Variants in CD226 observed in about 807,000 individuals in gnomAD.
CD226 encodes the protein CD226 molecule.
Under a neutral mutation model 34.9 loss-of-function variants are expected in CD226, and 24 were observed. That is an observed-to-expected ratio of 0.69 (90% CI 0.50 to 0.97). CD226 has a LOEUF of 0.97. CD226 is among the 50% of genes least tolerant of loss of function. The probability of loss-of-function intolerance (pLI) is 0.00; values close to 1 mark genes in which losing one functional copy is unlikely to be tolerated. For synonymous variants in CD226, 148 were observed against 147.4 expected, an observed-to-expected ratio of 1.00 and a Z score of -0.03; for missense variants, 397 against 412.7, an observed-to-expected ratio of 0.96 and a Z score of 0.33.
At chr18:69,868,718 G>A (rs1171715517) in intron 4 of CD226, among the ~76,000 whole-genome samples, 2 of 152,058 alleles carry the variant, frequency 1.3e-5, no homozygotes, top group African/African-American at 4.8e-5. Flanking sequence ...TGGTTCACAA[G>A]GCTTGCTATC....
chr18:69,892,115 T>A lies in CD226; in HGVS notation c.727+3586A>T, dbSNP rs550455801. ...TTGAACCTTGATGGTCCCGCCTGAG[T>A]GGTCTCACTGGTGGAAGACGATTAT... is the stretch of plus-strand genomic sequence containing the variant. On this transcript the variant is annotated intron_variant, in intron 3 of 5. Coordinates refer to ENST00000582621, the MANE Select transcript of CD226 (RefSeq NM_001303618.2). Among the ~76,000 whole-genome samples the A allele has an allele frequency of 5.3e-5, 8 of 152,270 alleles. No individual in the cohort carries two copies. In the South Asian group the frequency reaches 1.7e-3, roughly 32 times the overall value.
At chr18:69,916,450 T>C (rs148901122) in intron 2 of CD226, among the ~76,000 whole-genome samples, 169 of 152,254 alleles carry the variant, frequency 1.1e-3, no homozygotes, top group African/African-American at 3.9e-3. Flanking sequence ...AGGTAAAATA[T>C]AGGCTGTCAG....
chr18:69,901,210 G>T (rs758380297), intron 2 of CD226, among the ~76,000 whole-genome samples: 10 of 152,178 alleles, frequency 6.6e-5, no homozygotes, highest in African/African-American at 1.9e-4. Context: ...TTAAAGGGAG[G>T]TATTACACAG....
Position 69,865,551 on chromosome 18 carries a change from A to G in CD226, c.886-1112T>C, listed in dbSNP as rs1321894728. 2.0e-5 allele frequency among the ~76,000 whole-genome samples: 3 copies of G among 152,032 alleles called. No homozygotes were observed. The East Asian group carries it at 5.9e-4, about 30-fold the overall frequency. ...TGTGACTAGACTGGCATGAGTAGAC[A>G]AAGGCTAAGGATGAAGAAGGGAATC... On this transcript the variant is annotated intron_variant, in intron 5 of 5. Transcript: ENST00000582621.
chr18:69,900,680 C>T (rs1209003003), intron 2 of CD226, among the ~76,000 whole-genome samples: 9 of 144,148 alleles, frequency 6.2e-5, no homozygotes, highest in East Asian at 6.0e-4. Context: ...TGCAGTGAGC[C>T]GAGATTGCGC....
intron 3 of CD226, among the ~76,000 whole-genome samples, chr18:69,879,002 T>C (rs894846520): frequency 1.3e-5 from 2 of 152,124 alleles, no homozygotes; most frequent in African/African-American, 2.4e-5. Flanking sequence ...GCAGGTTCCG[T>C]GATGCCTCCT....
intron 2 of CD226, among the ~76,000 whole-genome samples, chr18:69,913,291 G>A (rs1246006262): frequency 6.6e-6 from 1 of 152,096 alleles, no homozygotes; most frequent in Non-Finnish European, 1.5e-5. Context: ...AAAATAGATC[G>A]CCAGAGCTCT....
At chr18:69,880,930 CG>C (rs1984220900) in intron 3 of CD226, among the ~76,000 whole-genome samples, 1 of 152,100 alleles carries the variant, frequency 6.6e-6, no homozygotes, top group Non-Finnish European at 1.5e-5. Flanking sequence ...GAATTACAGG[CG>C]TGAGCCACAG....
At chr18:69,923,397 C>A (rs2055478494) in intron 2 of CD226, among the ~76,000 whole-genome samples, 1 of 152,096 alleles carries the variant, frequency 6.6e-6, no homozygotes, top group Non-Finnish European at 1.5e-5. Context: ...GAATCCTGCC[C>A]CCTCCTCAAA....
intron 2 of CD226, among the ~76,000 whole-genome samples, chr18:69,942,376 C>A (rs773933603): frequency 6.6e-6 from 1 of 152,226 alleles, no homozygotes; most frequent in Non-Finnish European, 1.5e-5. Context: ...TGCCTGCAAA[C>A]TCTTACTCTC....
intron 2 of CD226, among the ~76,000 whole-genome samples, chr18:69,910,515 G>GC (rs1177305631): frequency 6.6e-6 from 1 of 152,186 alleles, no homozygotes; most frequent in African/African-American, 2.4e-5. Flanking sequence ...GTTGTGAAAA[G>GC]CAAGGAGAGA....
intron 2 of CD226, among the ~76,000 whole-genome samples, chr18:69,904,691 T>C (rs2055229941): frequency 6.6e-6 from 1 of 152,308 alleles, no homozygotes; most frequent in Non-Finnish European, 1.5e-5. Flanking sequence ...CCAGAAAAAT[T>C]ACTGACTAAT....
intron 3 of CD226, among the ~76,000 whole-genome samples, chr18:69,894,081 A>G (rs1568174496): frequency 6.6e-6 from 1 of 151,740 alleles, no homozygotes; most frequent in African/African-American, 2.4e-5. Context: ...GAAGAAAAGA[A>G]AAGGGAATGG....
At chr18:69,904,041 C>T (rs1045177869) in intron 2 of CD226, among the ~76,000 whole-genome samples, 1 of 152,132 alleles carries the variant, frequency 6.6e-6, no homozygotes, top group Admixed American at 6.5e-5. Flanking sequence ...TTCTGTCTTT[C>T]ATCTAAAGTG....
At chr18:69,872,091 G>GTGTGTGTGTGTGTGTGTGTGT (rs768112256) in intron 4 of CD226, among the ~76,000 whole-genome samples, 1 of 93,702 alleles carries the variant, frequency 1.1e-5, no homozygotes, top group African/African-American at 4.5e-5. Flanking sequence ...TGTGTGTGTG[G>GTGTGTGTGTGTGTGTGTGTGT]TGCATTTGGT....
intron 2 of CD226, among the ~76,000 whole-genome samples, chr18:69,936,791 G>A (rs2055659508): frequency 6.6e-6 from 1 of 152,114 alleles, no homozygotes; most frequent in South Asian, 2.1e-4. Flanking sequence ...AAAATTAAAA[G>A]TGATAGAGAT....
intron 2 of CD226, among the ~76,000 whole-genome samples, chr18:69,945,018 T>C (rs1170427841): frequency 6.6e-6 from 1 of 152,234 alleles, no homozygotes; most frequent in African/African-American, 2.4e-5. Flanking sequence ...CTTGTTCTTT[T>C]AGAGCACAGA....
intron 1 of CD226, chr18:69,956,661 T>C (rs2055900044): frequency 3.3e-5 from 2 of 60,908 alleles, no homozygotes. Context: ...CAACTTGCCA[T>C]GGTTTCACTG....
At chr18:69,873,312 G>T in intron 3 of CD226, 66 bp from the exon 4 acceptor site, 1 of 742,758 alleles carries the variant, frequency 1.3e-6, no homozygotes. Context: ...AGTAAGGCAG[G>T]AAAATAAAGA....
Sources: allele counts gnomAD v4.1 joint callset (sites outside exome capture counted in the v4.1 genomes callset), GRCh38; gene constraint gnomAD v4.1.1; transcripts MANE v1.5; gene names NCBI Gene and HGNC (gene_info 2026-07-23, HGNC 2026-07-21).